Variants in ELP4 observed in about 807,000 individuals in gnomAD.
The protein encoded by ELP4 is elongator complex protein 4.
ELP4 carries 51 observed loss-of-function variants against 48.9 expected under a neutral mutation model. The observed-to-expected ratio is 1.04, with a 90% CI of 0.83 to 1.32. The LOEUF is 1.32. Among genes scored for constraint, ELP4 ranks in the 40% most tolerant of loss-of-function variants. The pLI is 0.00. For missense variants in ELP4, 519 were observed against 514.6 expected (o/e 1.01, Z -0.08); for synonymous variants, 210 against 189.2 (o/e 1.11, Z -0.90).
chr11:31,608,131 A>G (rs193200109), intron 5 of ELP4, among the ~76,000 whole-genome samples: 1 of 152,092 alleles, frequency 6.6e-6, no homozygotes, highest in East Asian at 1.9e-4. Flanking sequence ...CTTGGGAGGA[A>G]GTGACAGAGC....
chr11:31,652,011 A>G (rs1392515224), intron 9 of ELP4: 3 of 151,736 alleles, frequency 2.0e-5, no homozygotes, highest in Admixed American at 6.6e-5. Context: ...ATCAGAGCTG[A>G]TGAAAGATCT....
intron 3 of ELP4, among the ~76,000 whole-genome samples, chr11:31,541,696 A>C (rs1347108401): frequency 1.3e-5 from 2 of 152,230 alleles, no homozygotes; most frequent in Non-Finnish European, 2.9e-5. Context: ...TAGAGAACAC[A>C]TTAATTTCAA....
chr11:31,553,762 A>C (rs971370861), intron 3 of ELP4, among the ~76,000 whole-genome samples: 1 of 148,888 alleles, frequency 6.7e-6, no homozygotes, highest in African/African-American at 2.5e-5. Flanking sequence ...ACACACACAC[A>C]CACCCTATTG....
chr11:31,551,769 C>CAA (rs978590076), intron 3 of ELP4, among the ~76,000 whole-genome samples: 39 of 152,078 alleles, frequency 2.6e-4, no homozygotes, highest in Non-Finnish European at 5.3e-4. Context: ...TGTTCAAGTA[C>CAA]AATTCTGCTG....
intron 7 of ELP4, among the ~76,000 whole-genome samples, chr11:31,639,541 T>C (rs1005641869): frequency 9.2e-5 from 14 of 151,966 alleles, no homozygotes; most frequent in African/African-American, 2.7e-4. Context: ...GCGTTATACG[T>C]ATATATTTAA....
In ELP4 at chr11:31,546,483, A is replaced by C. The variant is rs187408195; in HGVS notation, c.381+6700A>C. Among the ~76,000 whole-genome samples, 520 of 152,312 alleles carry C rather than the reference A, an allele frequency of 3.4e-3. 3 individuals are homozygous for C. The highest frequency in any genetic ancestry group is 0.031 in the Middle Eastern group (9 of 294). On this transcript the variant is annotated intron_variant, in intron 3 of 9. Transcript: ENST00000640961. Reference sequence around the variant, plus strand: ...AATACAGGAGCACCCAGATTCATAAAGCAAGTCCTTAGTGACCTACAAAGA... The same window carrying C: ...AATACAGGAGCACCCAGATTCATAACGCAAGTCCTTAGTGACCTACAAAGA...
intron 5 of ELP4, among the ~76,000 whole-genome samples, chr11:31,612,259 G>A (rs1957995316): frequency 6.6e-6 from 1 of 152,210 alleles, no homozygotes; most frequent in Admixed American, 6.5e-5. Flanking sequence ...AGCAGTTTCT[G>A]AAGATATGTA....
intron 9 of ELP4, among the ~76,000 whole-genome samples, chr11:31,687,386 GAA>G (rs1946183257): frequency 6.6e-6 from 1 of 152,176 alleles, no homozygotes; most frequent in Admixed American, 6.5e-5. Context: ...GAAATTAAGG[GAA>G]GAGAGAATTT....
intron 9 of ELP4, among the ~76,000 whole-genome samples, chr11:31,695,985 T>C (rs1202533948): frequency 6.6e-6 from 1 of 152,038 alleles, no homozygotes; most frequent in East Asian, 1.9e-4. Context: ...CTGATGGTAG[T>C]TTGTATTTCT....
At chr11:31,757,275 A>G (rs1592285524) in intron 9 of ELP4, among the ~76,000 whole-genome samples, 1 of 152,326 alleles carries the variant, frequency 6.6e-6, no homozygotes, top group Admixed American at 6.5e-5. Context: ...CTAAGGAAAA[A>G]CAAATTTCTA....
chr11:31,588,368 G>A (rs1957512494), intron 3 of ELP4, among the ~76,000 whole-genome samples: 1 of 152,048 alleles, frequency 6.6e-6, no homozygotes, highest in African/African-American at 2.4e-5. Context: ...GTTCTCCAAA[G>A]TGGTTTTTCA....
chr11:31,579,686 C>T (rs1319490002), intron 3 of ELP4, among the ~76,000 whole-genome samples: 3 of 149,652 alleles, frequency 2.0e-5, no homozygotes, highest in Admixed American at 6.8e-5. Context: ...ATCGCAAGGA[C>T]AAAAAACCAA....
chr11:31,754,210 C>T (rs1947786445), intron 9 of ELP4, among the ~76,000 whole-genome samples: 1 of 152,118 alleles, frequency 6.6e-6, no homozygotes. Context: ...ACTTGTTTGC[C>T]ATACACCATT....
chr11:31,570,938 T>A (rs1957184083), intron 3 of ELP4, among the ~76,000 whole-genome samples: 1 of 150,908 alleles, frequency 6.6e-6, no homozygotes, highest in African/African-American at 2.4e-5. Context: ...TAGCTGGGAC[T>A]ACAGGCGCAC....
At chr11:31,597,643 C>T (rs1957694610) in intron 4 of ELP4, among the ~76,000 whole-genome samples, 1 of 152,168 alleles carries the variant, frequency 6.6e-6, no homozygotes, top group African/African-American at 2.4e-5. Flanking sequence ...GCGATCTCAG[C>T]TCACTGCAAC....
Position 31,632,210 on chromosome 11 carries a change from C to T in ELP4, c.739-7C>T, listed in dbSNP as rs1389578978. On this transcript the variant is annotated splice_region_variant and splice_polypyrimidine_tract_variant and intron_variant, in intron 6 of 9. Coordinates refer to ENST00000640961, the MANE Select transcript of ELP4 (RefSeq NM_019040.5). The stretch of plus-strand genomic sequence containing the variant: ...TATATGTTTGCTTTTTTCCCACTTT[C>T]TTTTAGAAAAAACAGAGAAACATTT... The T allele has an allele frequency of 1.3e-6, 2 of 1,592,886 alleles. No homozygotes were observed. The highest frequency in any genetic ancestry group is 1.8e-5 in the Admixed American group (1 of 54,724).
intron 3 of ELP4, among the ~76,000 whole-genome samples, chr11:31,583,077 G>C (rs1427001343): frequency 6.6e-6 from 1 of 152,138 alleles, no homozygotes; most frequent in Non-Finnish European, 1.5e-5. Flanking sequence ...GGAGGTAGGG[G>C]TGGGTAGAAT....
At chr11:31,769,971 T>C (rs1169076376) in intron 9 of ELP4, among the ~76,000 whole-genome samples, 1 of 152,138 alleles carries the variant, frequency 6.6e-6, no homozygotes, top group African/African-American at 2.4e-5. Flanking sequence ...TCTCCTCACT[T>C]ATCTTGGGTA....
chr11:31,517,312 ATAGC>A (rs1956133230), intron 1 of ELP4, among the ~76,000 whole-genome samples: 1 of 150,848 alleles, frequency 6.6e-6, no homozygotes, highest in Non-Finnish European at 1.5e-5. Flanking sequence ...GCTCCCCCGA[ATAGC>A]TGGGATTACA....
Sources: gnomAD v4.1 joint callset for allele counts (sites outside exome capture counted in the v4.1 genomes callset) on GRCh38, gnomAD v4.1.1 for gene constraint, MANE v1.5 for transcripts, NCBI Gene and HGNC (gene_info 2026-07-23, HGNC 2026-07-21) for gene names.